PRIM2: variants seen among roughly 807,000 people sequenced by gnomAD.
PRIM2 encodes the protein DNA primase large subunit.
Under a neutral mutation model 67.3 loss-of-function variants are expected in PRIM2, and 39 were observed. That is an observed-to-expected ratio of 0.58 (90% CI 0.45 to 0.76). The LOEUF is 0.76. PRIM2 is among the 30% of genes least tolerant of loss of function. PRIM2 has a pLI of 0.00. For missense variants in PRIM2, 398 were observed against 598.7 expected (o/e 0.66, Z 3.50); for synonymous variants, 143 against 198.7 (o/e 0.72, Z 2.36).
chr6:57,493,125 T>G (rs1359543958), intron 7 of PRIM2, among the ~76,000 whole-genome samples: 20 of 152,208 alleles, frequency 1.3e-4, no homozygotes, highest in Admixed American at 6.5e-5. Flanking sequence ...TGGACAAAAC[T>G]GAATCTCTCT....
chr6:57,627,829 A>G, intron 12 of PRIM2, among the ~76,000 whole-genome samples: 1 of 152,354 alleles, frequency 6.6e-6, no homozygotes, highest in Admixed American at 6.5e-5. Context: ...TAATATTCTT[A>G]GATCTTTATA....
chr6:57,564,020 G>A (rs1304867667), intron 10 of PRIM2, among the ~76,000 whole-genome samples: 3 of 152,112 alleles, frequency 2.0e-5, no homozygotes, highest in Admixed American at 2.0e-4. Flanking sequence ...GTCCTTTCTG[G>A]TTTAGTGGCA....
At chr6:57,531,674 C>A (rs1440645615) in intron 8 of PRIM2, among the ~76,000 whole-genome samples, 1 of 151,974 alleles carries the variant, frequency 6.6e-6, no homozygotes, top group Non-Finnish European at 1.5e-5. Flanking sequence ...TGATATGGTG[C>A]GGTGAAAAAA....
intron 7 of PRIM2, among the ~76,000 whole-genome samples, chr6:57,459,218 G>A (rs1452521006): frequency 1.3e-5 from 2 of 152,128 alleles, no homozygotes; most frequent in Non-Finnish European, 2.9e-5. Flanking sequence ...GGATTAAAGT[G>A]GATGACTTTT....
At position 57,513,211 on chromosome 6, in the gene PRIM2, C is replaced by T. The variant is rs1554347884; in HGVS notation, c.761+5757C>T. Among the ~76,000 whole-genome samples the T allele has an allele frequency of 2.0e-4, 30 of 150,726 alleles. No homozygotes were observed. In the South Asian group the frequency reaches 3.8e-3, roughly 19 times the overall value. ...CTGCATTTTCTAGGGTGAATTATATCGTTCACTGATTTGGTAGTTTGGAGA... is the reference window on the plus strand; with the variant it reads ...CTGCATTTTCTAGGGTGAATTATATTGTTCACTGATTTGGTAGTTTGGAGA... On this transcript the variant is annotated intron_variant, in intron 8 of 13. Coordinates refer to ENST00000615550, the MANE Select transcript of PRIM2 (RefSeq NM_000947.5).
chr6:57,382,096 T>A lies in PRIM2; in HGVS notation c.621T>A (p.Ala207=), dbSNP rs200152618. 6.2e-7 allele frequency: 1 copy of A among 1,613,282 alleles called. No individual in the cohort carries two copies. Among genetic ancestry groups the A allele is most frequent in the South Asian group, 1.1e-5 (1 of 91,014 alleles). ...GRKVYLEDGF[A]YVPLKDIVAI... is the part of the protein sequence containing the mutation. ...AAGTCTATTTGGAAGATGGCTTTGC[T>A]TACGTACCACTTAAGGACATTGTGG... Residue 207 remains alanine, a synonymous_variant, in exon 7 of 14, where the codon GCT becomes GCA. Coordinates refer to ENST00000615550, the MANE Select transcript of PRIM2 (RefSeq NM_000947.5).
At chr6:57,247,240 C>G in the PRIM2 span, among the ~76,000 whole-genome samples, 20 of 152,320 alleles carry the variant, frequency 1.3e-4, no homozygotes, top group South Asian at 6.2e-4. Flanking sequence ...CCCTTTCAGG[C>G]TAGCCCTCCT....
chr6:57,418,383 G>GTTTTTTTTTTTTTTTTTTTT (rs34491627), intron 7 of PRIM2, among the ~76,000 whole-genome samples: 1 of 47,234 alleles, frequency 2.1e-5, no homozygotes, highest in Non-Finnish European at 4.3e-5. Context: ...TATGTGTGTG[G>GTTTTTTTTTTTTTTTTTTTT]TTTTTTTTTT....
At chr6:57,438,871 C>G (rs1470879533) in intron 7 of PRIM2, among the ~76,000 whole-genome samples, 2 of 151,632 alleles carry the variant, frequency 1.3e-5, no homozygotes, top group East Asian at 3.9e-4. Context: ...CTCTGGGGTT[C>G]AAGTGATTCT....
intron 7 of PRIM2, among the ~76,000 whole-genome samples, chr6:57,443,550 C>G (rs1772269517): frequency 6.6e-6 from 1 of 152,118 alleles, no homozygotes; most frequent in African/African-American, 2.4e-5. Flanking sequence ...ATTTGCGTGT[C>G]TGCTCTTGAC....
the PRIM2 span, among the ~76,000 whole-genome samples, chr6:57,256,009 GCA>G: frequency 7.5e-5 from 10 of 133,600 alleles, no homozygotes; most frequent in South Asian, 2.2e-4. Flanking sequence ...ATTTAGACAC[GCA>G]CACACACACA....
chr6:57,625,293 T>C lies in PRIM2; in HGVS notation c.1231-6840T>C, dbSNP rs1374022964. On this transcript the variant is annotated intron_variant, in intron 12 of 13. Coordinates refer to ENST00000615550, the MANE Select transcript of PRIM2 (RefSeq NM_000947.5). ...AGGAACCCTAGTCCTGAGAGATCTATGAAAAATGGATTCTGGGGACAAATT... is the reference window on the plus strand; with the variant it reads ...AGGAACCCTAGTCCTGAGAGATCTACGAAAAATGGATTCTGGGGACAAATT... 3.3e-5 allele frequency among the ~76,000 whole-genome samples: 5 copies of C among 152,180 alleles called. No individual in the cohort carries two copies. The South Asian group carries it at 6.2e-4, about 19-fold the overall frequency.
intron 12 of PRIM2, among the ~76,000 whole-genome samples, chr6:57,618,314 G>T (rs1327227569): frequency 6.6e-6 from 1 of 152,208 alleles, no homozygotes; most frequent in African/African-American, 2.4e-5. Flanking sequence ...TGAATCTGTA[G>T]ATTGTGTATA....
At chr6:57,408,236 T>A (rs1227844303) in intron 7 of PRIM2, among the ~76,000 whole-genome samples, 1 of 151,022 alleles carries the variant, frequency 6.6e-6, no homozygotes, top group South Asian at 2.1e-4. Flanking sequence ...GAGCGGAGAG[T>A]TTAATAGGCA....
intron 7 of PRIM2, among the ~76,000 whole-genome samples, chr6:57,393,968 C>G (rs1770441817): frequency 2.0e-5 from 3 of 151,934 alleles, no homozygotes; most frequent in Middle Eastern, 3.4e-3. Context: ...GATCAGCTGG[C>G]TGTAAGCATT....
intron 12 of PRIM2, among the ~76,000 whole-genome samples, chr6:57,615,313 GGAGGCT>G (rs1242304635): frequency 6.6e-6 from 1 of 151,816 alleles, no homozygotes; most frequent in African/African-American, 2.4e-5. Flanking sequence ...CAGCTATGCA[GGAGGCT>G]GAGGTGGGAG....
intron 7 of PRIM2, among the ~76,000 whole-genome samples, chr6:57,457,803 C>A (rs1241002723): frequency 6.6e-5 from 10 of 152,186 alleles, no homozygotes; most frequent in Admixed American, 1.3e-4. Flanking sequence ...CCTGCACCCA[C>A]TTTCCGACAC....
the PRIM2 span, among the ~76,000 whole-genome samples, chr6:57,259,327 A>C: frequency 6.8e-6 from 1 of 147,800 alleles, no homozygotes; most frequent in Non-Finnish European, 1.5e-5. Flanking sequence ...TCTGCTCTAT[A>C]TGCCTCTCAT....
the PRIM2 span, among the ~76,000 whole-genome samples, chr6:57,234,500 G>A: frequency 6.6e-6 from 1 of 152,074 alleles, no homozygotes; most frequent in South Asian, 2.1e-4. Context: ...AGTAACTTGT[G>A]TCTGCTGTGT....
Sources: allele counts gnomAD v4.1 joint callset (sites outside exome capture counted in the v4.1 genomes callset), GRCh38; gene constraint gnomAD v4.1.1; transcripts MANE v1.5; gene names NCBI Gene and HGNC (gene_info 2026-07-23, HGNC 2026-07-21).